The following R3HDM2 variants were observed in gnomAD, a reference collection of about 807,000 sequenced individuals.
R3HDM2 encodes R3H domain containing 2.
A neutral mutation model predicts 124.5 loss-of-function variants in R3HDM2; 38 were observed. The observed-to-expected ratio is 0.31, with a 90% CI of 0.24 to 0.40. The LOEUF (loss-of-function observed/expected upper bound fraction) is 0.40, where lower values mean the gene tolerates loss of function less well. Among genes scored for constraint, R3HDM2 ranks in the 10% least tolerant of loss-of-function variants. The pLI is 1.00. For missense variants in R3HDM2, 869 were observed against 1,236.9 expected, an observed-to-expected ratio of 0.70 and a Z score of 4.46; for synonymous variants, 391 against 448.0, an observed-to-expected ratio of 0.87 and a Z score of 1.61.
chr12:57,296,518 T>C lies in R3HDM2; in HGVS notation c.594A>G (p.Ser198=). The C allele has an allele frequency of 6.4e-7, 1 of 1,551,882 alleles. No individual in the cohort carries two copies. The highest frequency in any genetic ancestry group is 8.7e-7 in the Non-Finnish European group (1 of 1,146,988). ...CCCGGTGTAATAGCATCCGGTGATA[T>C]GAGGTCATCTGAGGGAACTTCTTGA... ...NQFKKFPQMT[S]YHRMLLHRVA... Residue 198 remains serine, a synonymous_variant, in exon 9 of 24, where the codon TCA becomes TCG. Transcript: ENST00000402412. The surrounding 1 kb of genome is among the most constrained non-coding windows in gnomAD (Gnocchi z 4.5).
intron 14 of R3HDM2, 68 bp downstream of exon 14, chr12:57,280,290 C>T (rs1253908850): frequency 1.3e-6 from 2 of 1,495,564 alleles, no homozygotes; most frequent in South Asian, 1.3e-5. Context: ...GCACAAGAGA[C>T]ATGACGGTAC....
chr12:57,428,560 C>G (rs1237235738), intron 1 of R3HDM2, among the ~76,000 whole-genome samples: 1 of 151,754 alleles, frequency 6.6e-6, no homozygotes, highest in Non-Finnish European at 1.5e-5. Context: ...GAGGCTGAGG[C>G]AGGAGAATGG....
chr12:57,364,330 A>G (rs1297746066), intron 2 of R3HDM2, among the ~76,000 whole-genome samples: 1 of 151,796 alleles, frequency 6.6e-6, no homozygotes, highest in East Asian at 1.9e-4. Context: ...TTGCATTTTT[A>G]GTAGAGACAG....
intron 2 of R3HDM2, among the ~76,000 whole-genome samples, chr12:57,320,261 C>CAGAAAAAAAAA (rs2056138514): frequency 7.0e-5 from 1 of 14,276 alleles, no homozygotes. Flanking sequence ...AACTCTATCT[C>CAGAAAAAAAAA]AAAAAAAAAA....
intron 1 of R3HDM2, among the ~76,000 whole-genome samples, chr12:57,407,244 C>A (rs1459652931): frequency 2.7e-5 from 4 of 146,414 alleles, no homozygotes; most frequent in Non-Finnish European, 6.1e-5. Flanking sequence ...AGCAAGACTC[C>A]TTCTCAAGAG....
chr12:57,282,305 A>AC (rs1164771810), intron 13 of R3HDM2, among the ~76,000 whole-genome samples: 1 of 151,904 alleles, frequency 6.6e-6, no homozygotes, highest in African/African-American at 2.4e-5. Flanking sequence ...ATCTCAAAAA[A>AC]AAAAAAAGGA....
At chr12:57,372,608 T>G (rs930327787) in intron 2 of R3HDM2, among the ~76,000 whole-genome samples, 1 of 152,206 alleles carries the variant, frequency 6.6e-6, no homozygotes, top group African/African-American at 2.4e-5. Context: ...TGGTACTATT[T>G]GGAAAGAGCA....
intron 1 of R3HDM2, among the ~76,000 whole-genome samples, chr12:57,402,832 C>T (rs1017516662): frequency 6.6e-6 from 1 of 152,098 alleles, no homozygotes; most frequent in East Asian, 1.9e-4. Flanking sequence ...GCTGGGATTA[C>T]AGACATAAGC....
At position 57,298,104 on chromosome 12, in the gene R3HDM2, C is replaced by T; in HGVS notation, c.486G>A (p.Leu162=). 1.3e-6 allele frequency: 2 copies of T among 1,550,618 alleles called. No homozygotes were observed. The highest frequency in any genetic ancestry group is 1.7e-6 in the Non-Finnish European group (2 of 1,146,314). The change falls in exon 7 of 24, where the codon CTG becomes CTA. Residue 162 remains leucine (L), a synonymous_variant. Coordinates refer to ENST00000402412, the MANE Select transcript of R3HDM2 (RefSeq NM_001394031.1). ...CATGTTATTACCTTGGGTTCTTTTT[C>T]AGTGTATTTACAAGAAATTCATGTA... ...IDLHEFLVNT[L]KKNPRDRMML... is the part of the protein sequence containing the mutation.
intron 2 of R3HDM2, among the ~76,000 whole-genome samples, chr12:57,373,327 C>T (rs1423990516): frequency 2.6e-5 from 4 of 151,880 alleles, no homozygotes; most frequent in African/African-American, 4.8e-5. Flanking sequence ...GGTGAAACCC[C>T]GTCTCTACTA....
intron 1 of R3HDM2, among the ~76,000 whole-genome samples, chr12:57,418,884 A>G (rs1464849078): frequency 6.6e-6 from 1 of 152,142 alleles, no homozygotes; most frequent in Non-Finnish European, 1.5e-5. Flanking sequence ...TATATAGACT[A>G]CAATAGCCTC....
intron 2 of R3HDM2, among the ~76,000 whole-genome samples, chr12:57,355,608 G>C (rs2061199483): frequency 6.6e-6 from 1 of 151,938 alleles, no homozygotes; most frequent in African/African-American, 2.4e-5. Flanking sequence ...TTTATAATAA[G>C]TCTTGAAATC....
intron 2 of R3HDM2, among the ~76,000 whole-genome samples, chr12:57,352,241 C>CAAA (rs776229504): frequency 2.0e-3 from 97 of 48,136 alleles, no homozygotes; most frequent in African/African-American, 2.3e-3. Context: ...GACTCCATCT[C>CAAA]AAAAAAAAAA....
intron 2 of R3HDM2, among the ~76,000 whole-genome samples, chr12:57,357,786 T>C (rs2061463346): frequency 6.6e-6 from 1 of 152,024 alleles, no homozygotes; most frequent in Admixed American, 6.6e-5. Flanking sequence ...GCTTCCTAAC[T>C]ATTTAATGCT....
At position 57,425,508 on chromosome 12, in the gene R3HDM2, G is replaced by A. The variant is rs1273198551; in HGVS notation, c.-106+5212C>T. Among the ~76,000 whole-genome samples the A allele has an allele frequency of 2.6e-5, 4 of 152,032 alleles. No individual in the cohort carries two copies. The East Asian group carries it at 7.7e-4, about 29-fold the overall frequency. The stretch of plus-strand genomic sequence containing the variant: ...CTAGCATTCCTACAAAGTGTTAAAA[G>A]CACACTTCAGGCCGGGCGTAGCAGC... On this transcript the variant is annotated intron_variant, in intron 1 of 23. Coordinates refer to ENST00000402412, the MANE Select transcript of R3HDM2 (RefSeq NM_001394031.1).
At chr12:57,297,422 A>C in intron 7 of R3HDM2, 35 bp from the exon 8 acceptor site, 1 of 1,357,440 alleles carries the variant, frequency 7.4e-7, no homozygotes, top group Non-Finnish European at 1.0e-6. Context: ...ACAAAACAAA[A>C]CAAAAAGCAG....
At chr12:57,267,637 G>A (rs1465308669) in intron 18 of R3HDM2, among the ~76,000 whole-genome samples, 1 of 152,140 alleles carries the variant, frequency 6.6e-6, no homozygotes, top group African/African-American at 2.4e-5. Context: ...AAAACAACCT[G>A]GAGACATATA....
At chr12:57,381,039 G>A (rs557477543) in intron 2 of R3HDM2, among the ~76,000 whole-genome samples, 2 of 151,786 alleles carry the variant, frequency 1.3e-5, no homozygotes, top group South Asian at 4.2e-4. Context: ...AGACCAGCCT[G>A]GCTAACATGG....
At chr12:57,376,180 G>T (rs1240647799) in intron 2 of R3HDM2, among the ~76,000 whole-genome samples, 1 of 152,162 alleles carries the variant, frequency 6.6e-6, no homozygotes, top group Non-Finnish European at 1.5e-5. Flanking sequence ...ATGCCCTCAG[G>T]GCAAGATGTC....
Sources: allele counts gnomAD v4.1 joint callset (sites outside exome capture counted in the v4.1 genomes callset), GRCh38; gene constraint gnomAD v4.1.1; non-coding constraint Gnocchi (gnomAD v3.1); transcripts MANE v1.5; gene names NCBI Gene and HGNC (gene_info 2026-07-23, HGNC 2026-07-21).